Variants in CEP295 observed in about 807,000 individuals in gnomAD.
CEP295 encodes centrosomal protein 295.
A neutral mutation model predicts 291.6 loss-of-function variants in CEP295; 190 were observed. The observed-to-expected ratio is 0.65, with a 90% CI of 0.58 to 0.73. The LOEUF is 0.73. Ranked by LOEUF, CEP295 falls within the 30% of genes least tolerant of loss-of-function variation. The pLI is 0.00. For synonymous variants in CEP295, 993 were observed against 1,038.8 expected, an observed-to-expected ratio of 0.96 and a Z score of 0.85; for missense variants, 2,863 against 2,949.4, an observed-to-expected ratio of 0.97 and a Z score of 0.68.
At chr11:93,694,104 A>G (rs1951731929) in intron 12 of CEP295, among the ~76,000 whole-genome samples, 1 of 152,238 alleles carries the variant, frequency 6.6e-6, no homozygotes, top group Admixed American at 6.5e-5. Context: ...CTGTTGCCTA[A>G]CTAGGAATAG....
Position 93,699,944 on chromosome 11 carries a change from C to T in CEP295, c.5032C>T (p.His1678Tyr), listed in dbSNP as rs983202544. Residue 1678 changes from histidine to tyrosine, a missense_variant, in exon 15 of 30, where the codon CAT becomes TAT. His to Tyr is a moderately conservative substitution (Grantham distance 83, BLOSUM62 2). This residue lies in a region of CEP295 where 2,295 missense variants were observed against 2,335.7 expected (regional missense o/e 0.98). Transcript: ENST00000325212. ...TCELYSSQNE[H>Y]AAPPSNPVIP... ...TGAATTGTATTCATCCCAGAATGAACATGCAGCCCCCCCAAGTAATCCTGT... is the reference window on the plus strand; with the variant it reads ...TGAATTGTATTCATCCCAGAATGAATATGCAGCCCCCCCAAGTAATCCTGT... The T allele has an allele frequency of 6.4e-7, 1 of 1,551,734 alleles. No homozygotes were observed. The highest frequency in any genetic ancestry group is 8.7e-7 in the Non-Finnish European group (1 of 1,146,984).
chr11:93,729,021 A>G (rs1937885350), intron 25 of CEP295, 200 bp downstream of exon 25: 2 of 537,310 alleles, frequency 3.7e-6, no homozygotes, highest in South Asian at 2.8e-5. Context: ...CCCCACTCCA[A>G]TTTATGCCTG....
intron 18 of CEP295, among the ~76,000 whole-genome samples, chr11:93,708,368 A>ATT (rs750008929): frequency 1.4e-4 from 21 of 152,062 alleles, no homozygotes; most frequent in East Asian, 5.8e-4. Context: ...AGTTGTCTTA[A>ATT]TTTTGAGTTC....
chr11:93,712,520 C>T (rs1359152010), intron 18 of CEP295, among the ~76,000 whole-genome samples: 2 of 152,268 alleles, frequency 1.3e-5, no homozygotes, highest in East Asian at 3.9e-4. Flanking sequence ...TCCCAAACTG[C>T]TAGGATTACA....
intron 1 of CEP295, among the ~76,000 whole-genome samples, chr11:93,664,307 G>A (rs1006306259): frequency 6.6e-6 from 1 of 152,078 alleles, no homozygotes; most frequent in South Asian, 2.1e-4. Context: ...ACATATTTTT[G>A]TGTGTTGGAA....
At position 93,706,737 on chromosome 11, in the gene CEP295, C is replaced by G; in HGVS notation, c.5597-8C>G. On this transcript the variant is annotated splice_region_variant and splice_polypyrimidine_tract_variant and intron_variant, in intron 17 of 29. Transcript: ENST00000325212. ...GAAATTGAAGTGGAAATATTTTTTC[C>G]CCCCCAGGTAAACCAGGTATTTATG... 2 of 1,500,522 alleles carry G rather than the reference C, an allele frequency of 1.3e-6. No individual in the cohort carries two copies. The highest frequency in any genetic ancestry group is 1.8e-6 in the Non-Finnish European group (2 of 1,123,908). The allele number at this position is 1,500,522 out of a possible 1,614,324, so 93.0% of individuals were successfully genotyped here.
At position 93,666,777 on chromosome 11, in the gene CEP295, G is replaced by C. The variant is rs1270728960; in HGVS notation, c.70G>C (p.Glu24Gln). 1 of 1,548,418 alleles carries C rather than the reference G, an allele frequency of 6.5e-7. No homozygotes were observed. The highest frequency in any genetic ancestry group is 1.2e-5 in the South Asian group (1 of 83,914). Residue 24 changes from glutamate (E) to glutamine (Q), a missense_variant, in exon 2 of 30, where the codon GAA (glutamate) becomes CAA (glutamine). Glu to Gln is a conservative substitution (Grantham distance 29). Coordinates refer to ENST00000325212, the MANE Select transcript of CEP295 (RefSeq NM_033395.2). ...TAATGAGGAAGCCTTCATTTTGAAGGAAGATTATGAAAGAAGGCGAAAACT... is the reference window on the plus strand; with the variant it reads ...TAATGAGGAAGCCTTCATTTTGAAGCAAGATTATGAAAGAAGGCGAAAACT... ...SPNEEAFILK[E>Q]DYERRRKLRL... is the part of the protein sequence containing the mutation.
At chr11:93,668,475 T>C (rs1372574038) in intron 3 of CEP295, among the ~76,000 whole-genome samples, 2 of 152,172 alleles carry the variant, frequency 1.3e-5, no homozygotes, top group African/African-American at 2.4e-5. Context: ...ACCTCTGTTA[T>C]TTGAATACCA....
Position 93,706,728 on chromosome 11 carries a change from T to C in CEP295, c.5597-17T>C. 1.3e-6 allele frequency: 2 copies of C among 1,502,362 alleles called. No individual in the cohort carries two copies. The highest frequency in any genetic ancestry group is 1.8e-6 in the Non-Finnish European group (2 of 1,124,320). 93.1% of individuals were successfully genotyped at this position (1,502,362 alleles called of 1,614,324 possible). Reference sequence around the variant, plus strand: ...ATAGTTCCAGAAATTGAAGTGGAAATATTTTTTCCCCCCCAGGTAAACCAG... The same window carrying C: ...ATAGTTCCAGAAATTGAAGTGGAAACATTTTTTCCCCCCCAGGTAAACCAG... On this transcript the variant is annotated splice_polypyrimidine_tract_variant and intron_variant, in intron 17 of 29. Transcript: ENST00000325212.
At chr11:93,695,346 G>T in intron 12 of CEP295, 151 bp from the exon 13 acceptor site, 1 of 452,348 alleles carries the variant, frequency 2.2e-6, no homozygotes, top group South Asian at 5.8e-5. Context: ...CAGTCTGTCA[G>T]TGATAACAAC....
At chr11:93,708,250 TCTAA>T (rs1952650530) in intron 18 of CEP295, among the ~76,000 whole-genome samples, 1 of 152,186 alleles carries the variant, frequency 6.6e-6, no homozygotes, top group Admixed American at 6.5e-5. Flanking sequence ...TGTTTTGCTA[TCTAA>T]CTGCTTATTT....
chr11:93,681,805 C>G lies in CEP295; in HGVS notation c.766-1754C>G, dbSNP rs1474341224. On this transcript the variant is annotated intron_variant, in intron 7 of 29. Transcript: ENST00000325212. The stretch of plus-strand genomic sequence containing the variant: ...CAAACAATCTGCCTGCCTCGACCTC[C>G]CAAAGTGCTGGGATTACAGGTGTGG... Among the ~76,000 whole-genome samples, 3 of 151,928 alleles carry G rather than the reference C, an allele frequency of 2.0e-5. No homozygotes were observed. In the South Asian group the frequency reaches 6.2e-4, roughly 32 times the overall value.
rs1279265257 is a variant in CEP295 at position 93,723,055 on chromosome 11, C to T, written c.5962C>T (p.His1988Tyr). The T allele has an allele frequency of 3.9e-6, 6 of 1,550,798 alleles. No homozygotes were observed. In the African/African-American group the frequency reaches 8.2e-5, roughly 21 times the overall value. ...TCAATTTTCAGAGTCATTTTCAGAG[C>T]ACATGGATGATAGCAAGCAAGAATC... ...SLTDPESFSE[H>Y]MDDSKQESTT... The change falls in exon 21 of 30, where the codon CAC becomes TAC. Residue 1988 changes from histidine to tyrosine, a missense_variant. By Grantham distance (83) the His-to-Tyr change is moderately conservative. Transcript: ENST00000325212.
In CEP295 at chr11:93,702,907, A is replaced by C; in HGVS notation, c.5584A>C (p.Thr1862Pro). 6.5e-7 allele frequency: 1 copy of C among 1,546,748 alleles called. No individual in the cohort carries two copies. The stretch of plus-strand genomic sequence containing the variant: ...AGTAGAGTCACCAGCAATTGGCAGA[A>C]CTTCTATACTAGGTAAATAGATGCT... ...QEVESPAIGR[T>P]SILGKPGIYE... Residue 1862 changes from threonine (T) to proline (P), a missense_variant, in exon 17 of 30, where the codon ACT (threonine) becomes CCT (proline). By Grantham distance (38) the Thr-to-Pro change is conservative. This residue lies in a region of CEP295 where 2,295 missense variants were observed against 2,335.7 expected (regional missense o/e 0.98). Coordinates refer to ENST00000325212, the MANE Select transcript of CEP295 (RefSeq NM_033395.2).
chr11:93,702,068 C>T (rs1450135167), intron 15 of CEP295, among the ~76,000 whole-genome samples: 1 of 152,112 alleles, frequency 6.6e-6, no homozygotes, highest in Non-Finnish European at 1.5e-5. Flanking sequence ...AAGTGATTCT[C>T]CTGCCTCAGC....
chr11:93,710,107 G>A (rs557251729), intron 18 of CEP295, among the ~76,000 whole-genome samples: 1 of 152,208 alleles, frequency 6.6e-6, no homozygotes, highest in South Asian at 2.1e-4. Context: ...TTCCAACTTG[G>A]ATGCTCTTTA....
chr11:93,698,667 C>T lies in CEP295; in HGVS notation c.3755C>T (p.Pro1252Leu), dbSNP rs1051052814. 6.4e-6 allele frequency: 10 copies of T among 1,550,614 alleles called. No homozygotes were observed. Among genetic ancestry groups the T allele is most frequent in the East Asian group, 2.4e-5 (1 of 40,926 alleles). The change falls in exon 15 of 30, where the codon CCT (proline) becomes CTT (leucine). Residue 1252 changes from proline to leucine, a missense_variant. Transcript: ENST00000325212. ...RLLRVSQHML[P>L]LQDNLEEHQA... ...TTGAGAGTTTCACAACATATGCTAC[C>T]TCTACAAGATAATTTGGAGGAACAC...
At chr11:93,722,556 C>T (rs1173682203) in intron 20 of CEP295, 1 of 160,040 alleles carries the variant, frequency 6.2e-6, no homozygotes, top group Non-Finnish European at 1.4e-5. Context: ...CTCTGTAGAT[C>T]CCCAACAATA....
intron 10 of CEP295, among the ~76,000 whole-genome samples, chr11:93,690,398 T>C (rs1951463543): frequency 6.6e-6 from 1 of 151,914 alleles, no homozygotes; most frequent in Admixed American, 6.6e-5. Flanking sequence ...CTACTAAAAA[T>C]ACTAAAAAGT....
Sources: gnomAD v4.1 joint callset for allele counts (sites outside exome capture counted in the v4.1 genomes callset) on GRCh38, gnomAD v4.1.1 for gene constraint, gnomAD v4.1.1 regional missense constraint, MANE v1.5 for transcripts, NCBI Gene and HGNC (gene_info 2026-07-23, HGNC 2026-07-21) for gene names.